The following PIGO variants were observed in gnomAD, a reference collection of about 807,000 sequenced individuals.
The protein encoded by PIGO is phosphatidylinositol glycan anchor biosynthesis class O.
Under a neutral mutation model 86.9 loss-of-function variants are expected in PIGO, and 66 were observed. The ratio of observed to expected loss-of-function variants is 0.76; its 90% CI spans 0.62 to 0.93. The LOEUF (loss-of-function observed/expected upper bound fraction) is 0.93, where lower values mean the gene tolerates loss of function less well. Ranked by LOEUF, PIGO falls within the 40% of genes least tolerant of loss-of-function variation. PIGO has a pLI of 0.00. For synonymous variants in PIGO, 570 were observed against 556.4 expected, an observed-to-expected ratio of 1.02 and a Z score of -0.34; for missense variants, 1,202 against 1,359.1, an observed-to-expected ratio of 0.88 and a Z score of 1.82.
intron 1 of PIGO, 97 bp from the exon 2 acceptor site, chr9:35,095,663 C>T (rs201252149): frequency 1.3e-5 from 17 of 1,353,664 alleles, no homozygotes; most frequent in East Asian, 5.1e-5. Flanking sequence ...CACTTCCTCC[C>T]GGAAACCTTC....
In PIGO at chr9:35,093,420, CCT is replaced by C; in HGVS notation, c.938_939del (p.Glu313GlyfsTer9). 1 of 1,614,092 alleles carries C rather than the reference CCT, an allele frequency of 6.2e-7. No individual in the cohort carries two copies. Among genetic ancestry groups the C allele is most frequent in the Non-Finnish European group, 8.5e-7 (1 of 1,179,998 alleles). On this transcript the variant is annotated frameshift_variant and splice_region_variant, in exon 5 of 11. Transcript: ENST00000378617. LOFTEE classifies it high-confidence loss of function. ...CAGATGAGGAACATCCCAGGCCTCACCTCTGGTGGGGTGCTGGGGAAGACTGC... is the reference window on the plus strand; with the variant it reads ...CAGATGAGGAACATCCCAGGCCTCACCTGGTGGGGTGCTGGGGAAGACTGC... ...PTAVFPSTPP[E>X]EPEVIPQVSL...
rs977613542 is a variant in PIGO at position 35,088,946 on chromosome 9, G to C, written c.*146C>G. 1 of 1,085,696 alleles carries C rather than the reference G, an allele frequency of 9.2e-7. No homozygotes were observed. Among genetic ancestry groups the C allele is most frequent in the Non-Finnish European group, 1.3e-6 (1 of 755,970 alleles). The allele number at this position is 1,085,696 out of a possible 1,614,324, so 67.3% of individuals were successfully genotyped here. A position where few individuals can be genotyped will look rare whatever the true frequency, so the allele number is the denominator to read the frequency against. ...CTGTGGTCCTGAATTATAGAATAAT[G>C]AAGTCCTAGATGTCAGCGGCCCCTG... On this transcript the variant is annotated 3_prime_UTR_variant, in exon 11 of 11. Transcript: ENST00000378617.
chr9:35,094,990 CCT>C (rs1829597960), intron 2 of PIGO, 63 bp downstream of exon 2: 2 of 1,531,346 alleles, frequency 1.3e-6, no homozygotes, highest in Admixed American at 4.1e-5. Context: ...GGTCTGACTC[CCT>C]GACTTCAAAT....
intron 9 of PIGO, 189 bp from the exon 10 acceptor site, chr9:35,089,639 C>T: frequency 4.9e-6 from 7 of 1,442,630 alleles, no homozygotes; most frequent in Non-Finnish European, 6.3e-6. Context: ...CACTGACTCA[C>T]TATGTGACTT....
In PIGO at chr9:35,093,589, C is replaced by T; in HGVS notation, c.780-9G>A. The T allele has an allele frequency of 6.3e-7, 1 of 1,590,888 alleles. No individual in the cohort carries two copies. The highest frequency in any genetic ancestry group is 8.5e-7 in the Non-Finnish European group (1 of 1,170,566). On this transcript the variant is annotated splice_polypyrimidine_tract_variant and intron_variant, in intron 4 of 10. Transcript: ENST00000378617. ...GACGCTCCACAAGTCCCCTGGGGGC[C>T]AATAAATGTGTCAGGAGTAGAAACG...
At chr9:35,094,500 C>A in intron 2 of PIGO, 141 bp from the exon 3 acceptor site, 1 of 929,924 alleles carries the variant, frequency 1.1e-6, no homozygotes, top group Non-Finnish European at 1.6e-6. Flanking sequence ...CAATCCTTAT[C>A]CTTCAGGGCC....
chr9:35,089,861 G>T, intron 9 of PIGO: 1 of 1,420,060 alleles, frequency 7.0e-7, no homozygotes, highest in Non-Finnish European at 9.2e-7. Flanking sequence ...GATCTAGGTT[G>T]TAGAGGGGAA....
At chr9:35,090,765 T>G in intron 7 of PIGO, 93 bp from the exon 8 acceptor site, 8 of 1,232,118 alleles carry the variant, frequency 6.5e-6, no homozygotes, top group Non-Finnish European at 9.0e-6. Flanking sequence ...TACTTCAGTA[T>G]CAATTCTCAT....
Position 35,091,842 on chromosome 9 carries a change from G to C in PIGO, c.2045C>G (p.Ala682Gly). The C allele has an allele frequency of 6.2e-7, 1 of 1,614,054 alleles. No individual in the cohort carries two copies. The highest frequency in any genetic ancestry group is 8.5e-7 in the Non-Finnish European group (1 of 1,180,050). Residue 682 changes from alanine (A) to glycine (G), a missense_variant, in exon 7 of 11, where the codon GCT becomes GGT. By Grantham distance (60) the Ala-to-Gly change is moderately conservative. Transcript: ENST00000378617. The stretch of plus-strand genomic sequence containing the variant: ...GCGGCGAAGCCACAAGCGCACGGCA[G>C]CTAACAGGGCCACCAGCGCCGCCAC... ...ACVAALVALL[A>G]AVRLWLRRYG... is the part of the protein sequence containing the mutation.
At position 35,088,939 on chromosome 9, in the gene PIGO, G is replaced by A; in HGVS notation, c.*153C>T. 3.8e-6 allele frequency: 4 copies of A among 1,047,880 alleles called. No homozygotes were observed. Among genetic ancestry groups the A allele is most frequent in the Non-Finnish European group, 5.5e-6 (4 of 723,354 alleles). 64.9% of individuals were successfully genotyped at this position (1,047,880 alleles called of 1,614,324 possible). ...TACTCCACTGTGGTCCTGAATTATAGAATAATGAAGTCCTAGATGTCAGCG... is the reference window on the plus strand; with the variant it reads ...TACTCCACTGTGGTCCTGAATTATAAAATAATGAAGTCCTAGATGTCAGCG... On this transcript the variant is annotated 3_prime_UTR_variant, in exon 11 of 11. Coordinates refer to ENST00000378617, the MANE Select transcript of PIGO (RefSeq NM_032634.4).
At position 35,092,129 on chromosome 9, in the gene PIGO, G is replaced by C. The variant is rs144103228; in HGVS notation, c.1758C>G (p.Val586=). ...LLGSFILLLV[V]QLHWEGQLLP... is the part of the protein sequence containing the mutation. ...GCAGCTGGCCCTCCCAGTGAAGCTG[G>C]ACAACCAGGAGCAGGATGAATGAGC... is the stretch of plus-strand genomic sequence containing the variant. The change falls in exon 7 of 11, where the codon GTC becomes GTG. Residue 586 remains valine, a synonymous_variant. Coordinates refer to ENST00000378617, the MANE Select transcript of PIGO (RefSeq NM_032634.4). 225 of 1,614,114 alleles carry C rather than the reference G, an allele frequency of 1.4e-4. No individual in the cohort carries two copies. Among genetic ancestry groups the C allele is most frequent in the Non-Finnish European group, 1.8e-4 (217 of 1,180,058 alleles).
chr9:35,095,468 A>G lies in PIGO; in HGVS notation c.98T>C (p.Leu33Ser). 1 of 1,613,798 alleles carries G rather than the reference A, an allele frequency of 6.2e-7. No homozygotes were observed. Among genetic ancestry groups the G allele is most frequent in the Non-Finnish European group, 8.5e-7 (1 of 1,179,908 alleles). ...LFTSGFLLTR[L>S]ELTNHSSCQE... ...GCAGCTGCTATGGTTGGTGAGCTCC[A>G]AACGGGTGAGCAGGAAGCCACTGGT... Residue 33 changes from leucine (L) to serine (S), a missense_variant, in exon 2 of 11, where the codon TTG becomes TCG. Transcript: ENST00000378617.
Position 35,091,687 on chromosome 9 carries a change from C to A in PIGO, c.2200G>T (p.Val734Phe). 6.2e-7 allele frequency: 1 copy of A among 1,612,628 alleles called. No homozygotes were observed. Among genetic ancestry groups the A allele is most frequent in the South Asian group, 1.1e-5 (1 of 91,080 alleles). Residue 734 changes from valine (V) to phenylalanine (F), a missense_variant, in exon 7 of 11, where the codon GTC (valine) becomes TTC (phenylalanine). Coordinates refer to ENST00000378617, the MANE Select transcript of PIGO (RefSeq NM_032634.4). ...GADEAPPRLR[V>F]LVSGASMVLP... is the part of the protein sequence containing the mutation. ...ACCATGGATGCCCCAGAGACCAGGA[C>A]CCGGAGACGGGGGGGAGCCTCATCT...
intron 1 of PIGO, 113 bp from the exon 2 acceptor site, chr9:35,095,679 G>T: frequency 7.6e-7 from 1 of 1,307,630 alleles, no homozygotes; most frequent in East Asian, 2.5e-5. Flanking sequence ...CCTTCCTGGA[G>T]ATAAACCATT....
At position 35,091,277 on chromosome 9, in the gene PIGO, T is replaced by G. The variant is rs757003544; in HGVS notation, c.2610A>C (p.Leu870=). 6.2e-7 allele frequency: 1 copy of G among 1,609,742 alleles called. No individual in the cohort carries two copies. The highest frequency in any genetic ancestry group is 2.2e-5 in the East Asian group (1 of 44,830). The change falls in exon 7 of 11, where the codon CTA becomes CTC. Residue 870 remains leucine, a synonymous_variant. Coordinates refer to ENST00000378617, the MANE Select transcript of PIGO (RefSeq NM_032634.4). ...CGGGTATCCCAGCAGCAAGCAGATG[T>G]AGGAGAAGGAAGCTCTGCAGAAACA... ...LLLFLQSFLL[L]HLLAAGIPVT... is the part of the protein sequence containing the mutation.
At chr9:35,094,903 C>G in intron 2 of PIGO, 152 bp downstream of exon 2, 1 of 1,119,552 alleles carries the variant, frequency 8.9e-7, no homozygotes, top group Middle Eastern at 2.8e-4. Flanking sequence ...ACTGAGCTCC[C>G]TACCAGCAGG....
At position 35,093,864 on chromosome 9, in the gene PIGO, C is replaced by T. The variant is rs769629156; in HGVS notation, c.779+37G>A. The T allele has an allele frequency of 3.1e-6, 5 of 1,607,190 alleles. No homozygotes were observed. The East Asian group carries it at 6.7e-5, about 22-fold the overall frequency. Reference sequence around the variant, plus strand: ...TAAGAGCTTCTTCGAGATTCTCAGACACAAACCCACTCCCCCAGCCAATAC... The same window carrying T: ...TAAGAGCTTCTTCGAGATTCTCAGATACAAACCCACTCCCCCAGCCAATAC... On this transcript the variant is annotated intron_variant, in intron 4 of 10. Transcript: ENST00000378617.
chr9:35,095,633 A>G, intron 1 of PIGO, 67 bp from the exon 2 acceptor site: 2 of 1,423,420 alleles, frequency 1.4e-6, no homozygotes, highest in Non-Finnish European at 1.8e-6. Context: ...CTGGTCCCTG[A>G]ATACAAGCCC....
intron 2 of PIGO, 44 bp from the exon 3 acceptor site, chr9:35,094,403 G>A: frequency 1.3e-6 from 2 of 1,574,002 alleles, no homozygotes; most frequent in Non-Finnish European, 1.7e-6. Flanking sequence ...GCAAACGTCA[G>A]GGTTAGGAGA....
Sources: gnomAD v4.1 joint callset for allele counts on GRCh38, gnomAD v4.1.1 for gene constraint, MANE v1.5 for transcripts, NCBI Gene and HGNC (gene_info 2026-07-23, HGNC 2026-07-21) for gene names.